DACH1: variants seen among roughly 807,000 people sequenced by gnomAD.
DACH1 encodes the protein dachshund family transcription factor 1.
DACH1 carries 12 observed loss-of-function variants against 54.2 expected under a neutral mutation model. The ratio of observed to expected loss-of-function variants is 0.22; its 90% CI spans 0.14 to 0.36. DACH1 has a LOEUF of 0.36. Among genes scored for constraint, DACH1 ranks in the 10% least tolerant of loss-of-function variants. The probability of loss-of-function intolerance (pLI) is 1.00; values close to 1 mark genes in which losing one functional copy is unlikely to be tolerated. For missense variants in DACH1, 805 were observed against 929.8 expected, an observed-to-expected ratio of 0.87 and a Z score of 1.75; for synonymous variants, 386 against 366.2, an observed-to-expected ratio of 1.05 and a Z score of -0.62.
chr13:71,650,573 G>C (rs1878597074), intron 2 of DACH1, among the ~76,000 whole-genome samples: 1 of 152,014 alleles, frequency 6.6e-6, no homozygotes, highest in South Asian at 2.1e-4. Flanking sequence ...GTGGTAAATA[G>C]ACCCATTTAA....
intron 2 of DACH1, among the ~76,000 whole-genome samples, chr13:71,662,931 G>C (rs1879605238): frequency 6.6e-6 from 1 of 151,852 alleles, no homozygotes; most frequent in South Asian, 2.1e-4. Flanking sequence ...AGATTACTGA[G>C]TGGCAATGTC....
intron 10 of DACH1, among the ~76,000 whole-genome samples, chr13:71,446,004 G>A (rs575429746): frequency 2.6e-5 from 4 of 152,222 alleles, no homozygotes; most frequent in Non-Finnish European, 5.9e-5. Flanking sequence ...CTCCTTTCCT[G>A]ACTCTTCAAA....
chr13:71,688,952 TCA>T (rs1881327526), intron 1 of DACH1, among the ~76,000 whole-genome samples: 1 of 152,232 alleles, frequency 6.6e-6, no homozygotes, highest in African/African-American at 2.4e-5. Context: ...GGGCAAGTTA[TCA>T]GAGTTTTCAC....
intron 1 of DACH1, among the ~76,000 whole-genome samples, chr13:71,699,688 A>T (rs918522028): frequency 6.6e-6 from 1 of 152,210 alleles, no homozygotes; most frequent in Non-Finnish European, 1.5e-5. Context: ...CAATCCAAAT[A>T]ATTTCTCTTG....
Position 71,587,068 on chromosome 13 carries a change from A to T in DACH1, c.1127-14056T>A, listed in dbSNP as rs1873336605. Among the ~76,000 whole-genome samples, 3 of 152,130 alleles carry T rather than the reference A, an allele frequency of 2.0e-5. No individual in the cohort carries two copies. The South Asian group carries it at 6.2e-4, about 31-fold the overall frequency. On this transcript the variant is annotated intron_variant, in intron 3 of 10. Transcript: ENST00000613252. The stretch of plus-strand genomic sequence containing the variant: ...AAATTCAAAAAAGCCCCAATAGCAA[A>T]TGTCATTTCTTTCCATAGTTACAAA...
intron 3 of DACH1, among the ~76,000 whole-genome samples, chr13:71,584,409 T>C (rs901477883): frequency 1.3e-5 from 2 of 152,162 alleles, no homozygotes; most frequent in Non-Finnish European, 2.9e-5. Context: ...CTTTAAGCCA[T>C]TTCACAAGAA....
chr13:71,731,789 G>C (rs1265129451), intron 1 of DACH1, among the ~76,000 whole-genome samples: 1 of 152,114 alleles, frequency 6.6e-6, no homozygotes, highest in Non-Finnish European at 1.5e-5. Flanking sequence ...CAAATATTCT[G>C]TCTCTATAGA....
At chr13:71,750,028 G>A (rs1166053116) in intron 1 of DACH1, among the ~76,000 whole-genome samples, 4 of 152,164 alleles carry the variant, frequency 2.6e-5, no homozygotes, top group African/African-American at 9.7e-5. Flanking sequence ...CCTACTATGT[G>A]CCAGGTACTC....
intron 3 of DACH1, among the ~76,000 whole-genome samples, chr13:71,628,553 G>A (rs1043125627): frequency 6.6e-6 from 1 of 151,882 alleles, no homozygotes; most frequent in African/African-American, 2.4e-5. Flanking sequence ...TCTGCTCTTG[G>A]TTCATTTTGG....
intron 1 of DACH1, among the ~76,000 whole-genome samples, chr13:71,753,651 GCCTA>G (rs1223032345): frequency 6.6e-6 from 1 of 152,138 alleles, no homozygotes; most frequent in East Asian, 1.9e-4. Context: ...TTCACTACCA[GCCTA>G]CCTAACTTGC....
At chr13:71,668,324 C>T (rs1879983973) in intron 2 of DACH1, among the ~76,000 whole-genome samples, 1 of 152,020 alleles carries the variant, frequency 6.6e-6, no homozygotes, top group African/African-American at 2.4e-5. Flanking sequence ...ACACTCTTTC[C>T]TGAAATTATA....
chr13:71,735,264 T>TGGGATATACACGTATAC lies in DACH1; in HGVS notation c.849-53355_849-53354insGTATACGTGTATATCCC, dbSNP rs1883995258. 4.6e-5 allele frequency among the ~76,000 whole-genome samples: 2 copies of TGGGATATACACGTATAC among 43,138 alleles called. 1 individual carries two copies. Among genetic ancestry groups the TGGGATATACACGTATAC allele is most frequent in the Admixed American group, 5.6e-4 (2 of 3,588 alleles). 28.3% of individuals were successfully genotyped at this position (43,138 alleles called of 152,430 possible). A position where few individuals can be genotyped will look rare whatever the true frequency, so the allele number is the denominator to read the frequency against. Reference sequence around the variant, plus strand: ...CACGTATATGGGATATACGTGTATATGGGATACACGTATGTATATGGGATA... The same window carrying TGGGATATACACGTATAC: ...CACGTATATGGGATATACGTGTATATGGGATATACACGTATACGGGATACACGTATGTATATGGGATA... On this transcript the variant is annotated intron_variant, in intron 1 of 10. Coordinates refer to ENST00000613252, the MANE Select transcript of DACH1 (RefSeq NM_080759.6).
intron 1 of DACH1, among the ~76,000 whole-genome samples, chr13:71,766,606 T>C (rs913817936): frequency 4.6e-5 from 7 of 152,176 alleles, no homozygotes; most frequent in African/African-American, 1.4e-4. Context: ...TTGACATGAC[T>C]GGCAGTCAGT....
intron 6 of DACH1, among the ~76,000 whole-genome samples, chr13:71,533,723 C>T (rs1413637665): frequency 6.6e-6 from 1 of 151,690 alleles, no homozygotes; most frequent in Non-Finnish European, 1.5e-5. Context: ...CTGTCTATCT[C>T]TCTGTCTCAT....
intron 3 of DACH1, among the ~76,000 whole-genome samples, chr13:71,621,406 G>C (rs1876225892): frequency 6.6e-6 from 1 of 152,022 alleles, no homozygotes; most frequent in Admixed American, 6.6e-5. Context: ...CAGCAGTATG[G>C]CTGGGATGAC....
At chr13:71,861,825 T>C (rs749983728) in intron 1 of DACH1, among the ~76,000 whole-genome samples, 1 of 150,110 alleles carries the variant, frequency 6.7e-6, no homozygotes, top group Non-Finnish European at 1.5e-5. Flanking sequence ...CATAAGTCTG[T>C]GTCATTGAAA....
intron 1 of DACH1, among the ~76,000 whole-genome samples, chr13:71,699,280 T>C (rs950728312): frequency 6.6e-5 from 10 of 152,096 alleles, no homozygotes; most frequent in Non-Finnish European, 1.3e-4. Context: ...AAAATGAATA[T>C]AGACACGAGG....
chr13:71,637,493 A>G (rs1302204642), intron 2 of DACH1, among the ~76,000 whole-genome samples: 1 of 152,170 alleles, frequency 6.6e-6, no homozygotes, highest in Non-Finnish European at 1.5e-5. Context: ...GTTTCCATCA[A>G]ATCATTGGAT....
Position 71,506,887 on chromosome 13 carries a change from C to A in DACH1, c.1571-17739G>T, listed in dbSNP as rs7326767. Among the ~76,000 whole-genome samples, 199 of 145,794 alleles carry A rather than the reference C, an allele frequency of 1.4e-3. 2 individuals carry two copies. The East Asian group carries it at 0.032, about 24-fold the overall frequency. On this transcript the variant is annotated intron_variant, in intron 6 of 10. Transcript: ENST00000613252. ...GCTGAAACTGGATCCCTTCCTTACA[C>A]CTTATACAAAAATGAATTCAAGATG...
Sources: gnomAD v4.1 joint callset for allele counts (sites outside exome capture counted in the v4.1 genomes callset) on GRCh38, gnomAD v4.1.1 for gene constraint, MANE v1.5 for transcripts, NCBI Gene and HGNC (gene_info 2026-07-23, HGNC 2026-07-21) for gene names.